The following ZNF790 variants were observed in gnomAD, a reference collection of about 807,000 sequenced individuals.
The protein encoded by ZNF790 is zinc finger protein 790.
Under a neutral mutation model 12.1 loss-of-function variants are expected in ZNF790, and 8 were observed. That is an observed-to-expected ratio of 0.66 (90% CI 0.39 to 1.19). The LOEUF is 1.19. Ranked by LOEUF, ZNF790 falls within the 50% of genes most tolerant of loss-of-function variation. ZNF790 has a pLI of 0.01. For synonymous variants in ZNF790, 252 were observed against 244.3 expected, an observed-to-expected ratio of 1.03 and a Z score of -0.29; for missense variants, 707 against 752.2, an observed-to-expected ratio of 0.94 and a Z score of 0.70.
chr19:36,819,188 T>C lies in ZNF790; in HGVS notation c.1156A>G (p.Asn386Asp), dbSNP rs768839779. 4 of 1,614,090 alleles carry C rather than the reference T, an allele frequency of 2.5e-6. No individual in the cohort carries two copies. Among genetic ancestry groups the C allele is most frequent in the Non-Finnish European group, 3.4e-6 (4 of 1,180,022 alleles). ...TAAGGTTTCCTACCAACATGAACAT[T>C]CTGATGTTGAGCAAGATTTGAACCA... ...IRGSNLAQHQ[N>D]VHVGRKPYKC... is the part of the protein sequence containing the mutation. Residue 386 changes from asparagine to aspartate, a missense_variant, in exon 5 of 5, where the codon AAT (asparagine) becomes GAT (aspartate). Coordinates refer to ENST00000356725, the MANE Select transcript of ZNF790 (RefSeq NM_206894.4).
chr19:36,823,992 C>CTTTT lies in ZNF790; in HGVS notation c.10-206_10-203dup, dbSNP rs779735213. Among the ~76,000 whole-genome samples the CTTTT allele has an allele frequency of 4.9e-4, 51 of 104,382 alleles. 3 individuals are homozygous for CTTTT. The highest frequency in any genetic ancestry group is 7.2e-4 in the African/African-American group (17 of 23,560). The allele number at this position is 104,382 out of a possible 152,430, so 68.5% of individuals were successfully genotyped here. On this transcript the variant is annotated intron_variant, in intron 2 of 4. Transcript: ENST00000356725. The stretch of plus-strand genomic sequence containing the variant: ...GACAAAAGCCAAGTGTCTACATGCT[C>CTTTT]TTTTTTTTTTTTTTTTTTTTTGAGA...
chr19:36,839,724 C>G (rs973146930), upstream of ZNF790, among the ~76,000 whole-genome samples: 2 of 152,210 alleles, frequency 1.3e-5, no homozygotes, highest in African/African-American at 4.8e-5. Context: ...AGCTCCAGCT[C>G]CAGCTGATCT....
At chr19:36,826,177 C>T (rs1273029215) in intron 1 of ZNF790, among the ~76,000 whole-genome samples, 2 of 152,130 alleles carry the variant, frequency 1.3e-5, no homozygotes, top group African/African-American at 4.8e-5. Context: ...TCTCTGCCTC[C>T]TGTGTTTTCA....
chr19:36,830,674 A>AG (rs1204138496), intron 1 of ZNF790, among the ~76,000 whole-genome samples: 2 of 152,202 alleles, frequency 1.3e-5, no homozygotes, highest in East Asian at 1.9e-4. Context: ...TTTTAAAAAA[A>AG]TTGTCTTCTA....
chr19:36,844,345 A>C (rs2072157934), intron 1 of ZNF790, among the ~76,000 whole-genome samples: 1 of 151,806 alleles, frequency 6.6e-6, no homozygotes, highest in South Asian at 2.1e-4. Flanking sequence ...AAAAAAAAAA[A>C]ACCCAAAAAG....
chr19:36,848,359 T>A (rs1260776531), intron 1 of ZNF790, among the ~76,000 whole-genome samples: 1 of 152,236 alleles, frequency 6.6e-6, no homozygotes, highest in African/African-American at 2.4e-5. Flanking sequence ...GCCTACATAA[T>A]GAAGCCTTCA....
chr19:36,835,062 C>A (rs919925932), intron 1 of ZNF790, among the ~76,000 whole-genome samples: 6 of 152,148 alleles, frequency 3.9e-5, no homozygotes, highest in African/African-American at 1.4e-4. Flanking sequence ...CCAAGGTGGG[C>A]AGATCACAAG....
chr19:36,842,554 A>G (rs1266887716), upstream of ZNF790, among the ~76,000 whole-genome samples: 2 of 152,152 alleles, frequency 1.3e-5, no homozygotes, highest in African/African-American at 4.8e-5. Context: ...CCAATGAAAC[A>G]AAGTTAATAA....
At position 36,818,830 on chromosome 19, in the gene ZNF790, G is replaced by A. The variant is rs1280330009; in HGVS notation, c.1514C>T (p.Pro505Leu). 1 of 1,613,380 alleles carries A rather than the reference G, an allele frequency of 6.2e-7. No homozygotes were observed. The highest frequency in any genetic ancestry group is 8.5e-7 in the Non-Finnish European group (1 of 1,179,786). ...TTTTCCACATTCTTCACATTCATAT[G>A]GCCTCTTTCCAGTATGAATTTTCTG... ...RHQKIHTGKR[P>L]YECEECGKAF... The change falls in exon 5 of 5, where the codon CCA becomes CTA. Residue 505 changes from proline to leucine, a missense_variant. By Grantham distance (98) the Pro-to-Leu change is moderately conservative (BLOSUM62 -3). Coordinates refer to ENST00000356725, the MANE Select transcript of ZNF790 (RefSeq NM_206894.4).
At position 36,819,814 on chromosome 19, in the gene ZNF790, T is replaced by C; in HGVS notation, c.530A>G (p.Lys177Arg). Reference sequence around the variant, plus strand: ...ATGATCTGAACCAGAAATAAAGGCTTTCCCCAGTTCTTTAAATTCATTCAG... The same window carrying C: ...ATGATCTGAACCAGAAATAAAGGCTCTCCCCAGTTCTTTAAATTCATTCAG... Reference protein sequence around the residue: ...DKLNEFKELGKAFISGSDHTQ... With the variant: ...DKLNEFKELGRAFISGSDHTQ... The change falls in exon 5 of 5, where the codon AAA becomes AGA. Residue 177 changes from lysine (K) to arginine (R), a missense_variant. Coordinates refer to ENST00000356725, the MANE Select transcript of ZNF790 (RefSeq NM_206894.4). 1 of 1,613,232 alleles carries C rather than the reference T, an allele frequency of 6.2e-7. No homozygotes were observed. Among genetic ancestry groups the C allele is most frequent in the African/African-American group, 1.3e-5 (1 of 74,990 alleles).
At chr19:36,840,071 GAAAAA>G (rs924877011), upstream of ZNF790, among the ~76,000 whole-genome samples, 1 of 151,548 alleles carries the variant, frequency 6.6e-6, no homozygotes, top group South Asian at 2.1e-4. Context: ...CTCAAAAAAA[GAAAAA>G]AAAGTTTTAA....
rs564880816 is a variant in ZNF790, at chr19:36,824,214, G to A, written c.10-424C>T. Among the ~76,000 whole-genome samples the A allele has an allele frequency of 1.1e-3, 169 of 151,984 alleles. 3 individuals are homozygous for A. Among genetic ancestry groups the A allele is most frequent in the African/African-American group, 3.9e-3 (163 of 41,434 alleles). ...GGGTTTCTCCGTGTTAGTCAGGATG[G>A]TTTTGATCTCCTGACCTTGTGATCC... On this transcript the variant is annotated intron_variant, in intron 2 of 4. Transcript: ENST00000356725.
intron 1 of ZNF790, among the ~76,000 whole-genome samples, chr19:36,836,078 A>G (rs1336882603): frequency 6.6e-6 from 1 of 151,928 alleles, no homozygotes; most frequent in African/African-American, 2.4e-5. Context: ...CTTCTATCTT[A>G]AGCTTCCTTC....
At chr19:36,830,542 G>C (rs756178502) in intron 1 of ZNF790, among the ~76,000 whole-genome samples, 13 of 152,140 alleles carry the variant, frequency 8.5e-5, no homozygotes, top group Non-Finnish European at 1.9e-4. Context: ...CTGGGGACTT[G>C]GCTGTATTCC....
chr19:36,823,177 T>C, intron 4 of ZNF790, 108 bp downstream of exon 4: 1 of 1,022,806 alleles, frequency 9.8e-7, no homozygotes, highest in Non-Finnish European at 1.5e-6. Context: ...TTTTTTGGTC[T>C]TAAGGGGATA....
chr19:36,823,445 C>T, intron 3 of ZNF790, 65 bp from the exon 4 acceptor site: 3 of 1,479,748 alleles, frequency 2.0e-6, no homozygotes, highest in East Asian at 4.6e-5. Flanking sequence ...GCAACTACTT[C>T]TTTGGTTACT....
intron 1 of ZNF790, among the ~76,000 whole-genome samples, chr19:36,845,108 G>A (rs1487705493): frequency 8.2e-6 from 1 of 121,812 alleles, no homozygotes; most frequent in East Asian, 2.5e-4. Context: ...AGAAGAACAA[G>A]ATCTCAGATG....
At chr19:36,840,039 G>A (rs991235777), upstream of ZNF790, among the ~76,000 whole-genome samples, 1 of 152,080 alleles carries the variant, frequency 6.6e-6, no homozygotes, top group African/African-American at 2.4e-5. Flanking sequence ...CTCCAGTCTG[G>A]GCGACAAGAG....
In ZNF790 at chr19:36,819,181, T is replaced by A. The variant is rs1212782731; in HGVS notation, c.1163A>T (p.His388Leu). ...GSNLAQHQNV[H>L]VGRKPYKCEK... ...ACATTTATAAGGTTTCCTACCAACATGAACATTCTGATGTTGAGCAAGATT... is the reference window on the plus strand; with the variant it reads ...ACATTTATAAGGTTTCCTACCAACAAGAACATTCTGATGTTGAGCAAGATT... The change falls in exon 5 of 5, where the codon CAT becomes CTT. Residue 388 changes from histidine (H) to leucine (L), a missense_variant. Physicochemically the swap from His to Leu is moderately conservative, Grantham distance 99. Transcript: ENST00000356725. 1 of 1,614,132 alleles carries A rather than the reference T, an allele frequency of 6.2e-7. No individual in the cohort carries two copies. The highest frequency in any genetic ancestry group is 1.1e-5 in the South Asian group (1 of 91,080).
Sources: gnomAD v4.1 joint callset for allele counts (sites outside exome capture counted in the v4.1 genomes callset) on GRCh38, gnomAD v4.1.1 for gene constraint, MANE v1.5 for transcripts, NCBI Gene and HGNC (gene_info 2026-07-23, HGNC 2026-07-21) for gene names.